Variants in STIM2 observed in about 807,000 individuals in gnomAD.
STIM2 encodes the protein stromal interaction molecule 2.
A neutral mutation model predicts 85.8 loss-of-function variants in STIM2; 31 were observed. The observed-to-expected ratio is 0.36, with a 90% CI of 0.27 to 0.49. The LOEUF is 0.49. Ranked by LOEUF, STIM2 falls within the 20% of genes least tolerant of loss-of-function variation. The probability of loss-of-function intolerance (pLI) is 0.98; values close to 1 mark genes in which losing one functional copy is unlikely to be tolerated. For synonymous variants in STIM2, 356 were observed against 331.1 expected, an observed-to-expected ratio of 1.08 and a Z score of -0.82; for missense variants, 841 against 927.6, an observed-to-expected ratio of 0.91 and a Z score of 1.21.
chr4:26,894,587 T>C (rs1723623243), intron 1 of STIM2, among the ~76,000 whole-genome samples: 1 of 152,068 alleles, frequency 6.6e-6, no homozygotes. Flanking sequence ...TCTGTGGTGC[T>C]AGTTGTGTCG....
chr4:26,962,559 AGTGTGTGTGTGTGTGTGTGTGT>A (rs34301656), intron 3 of STIM2, among the ~76,000 whole-genome samples: 1 of 142,618 alleles, frequency 7.0e-6, no homozygotes, highest in Non-Finnish European at 1.5e-5. Flanking sequence ...ACTTTAATGC[AGTGTGTGTGTGTGTGTGTGTGT>A]GTGTGTGTGT....
chr4:26,910,392 C>T (rs900065747), intron 1 of STIM2, among the ~76,000 whole-genome samples: 11 of 151,994 alleles, frequency 7.2e-5, no homozygotes, highest in Admixed American at 3.9e-4. Context: ...AGCGTGTTGG[C>T]GAGCGCCTGT....
In STIM2 at chr4:26,885,560, G is replaced by A. The variant is rs376390395; in HGVS notation, c.151+24191G>A. Among the ~76,000 whole-genome samples the A allele has an allele frequency of 5.9e-5, 9 of 152,120 alleles. No homozygotes were observed. In the East Asian group the frequency reaches 1.4e-3, roughly 23 times the overall value. On this transcript the variant is annotated intron_variant, in intron 1 of 11. Coordinates refer to ENST00000467087, the MANE Select transcript of STIM2 (RefSeq NM_020860.4). ...AAATAGGGGTATCAAGGCTTGAATT[G>A]TAAATCTTGATGGTATGAAGGATCC...
chr4:26,920,036 G>A (rs770497527), intron 2 of STIM2, among the ~76,000 whole-genome samples: 31 of 152,152 alleles, frequency 2.0e-4, no homozygotes, highest in Non-Finnish European at 3.7e-4. Context: ...TTAGATATGG[G>A]CCGAGGTCAC....
At chr4:26,948,997 C>T (rs1725948423) in intron 2 of STIM2, among the ~76,000 whole-genome samples, 1 of 152,138 alleles carries the variant, frequency 6.6e-6, no homozygotes, top group African/African-American at 2.4e-5. Flanking sequence ...TGAATTGACA[C>T]AGTACATACA....
chr4:26,989,804 C>G (rs1042313886), intron 3 of STIM2, among the ~76,000 whole-genome samples: 1 of 152,100 alleles, frequency 6.6e-6, no homozygotes, highest in Non-Finnish European at 1.5e-5. Flanking sequence ...GCAGTAGCAT[C>G]TCTATACATT....
intron 1 of STIM2, among the ~76,000 whole-genome samples, chr4:26,870,633 A>T (rs1037072902): frequency 6.6e-6 from 1 of 152,144 alleles, no homozygotes; most frequent in African/African-American, 2.4e-5. Context: ...ACTCTTTTGT[A>T]TACTTTATTA....
At chr4:26,925,792 C>G (rs1371687358) in intron 2 of STIM2, among the ~76,000 whole-genome samples, 2 of 78,854 alleles carry the variant, frequency 2.5e-5, no homozygotes, top group Non-Finnish European at 4.3e-5. Flanking sequence ...TCGTCTCAGC[C>G]CAAAATCTCC....
chr4:26,950,039 A>G lies in STIM2; in HGVS notation c.283-7573A>G, dbSNP rs897452595. Among the ~76,000 whole-genome samples the G allele has an allele frequency of 3.9e-5, 6 of 152,304 alleles. No individual in the cohort carries two copies. In the South Asian group the frequency reaches 1.0e-3, roughly 26 times the overall value. Reference sequence around the variant, plus strand: ...CTCACTTAACGTGAAAGTAAGTGTAACACACGGTATTCTCAGTGATGGATA... The same window carrying G: ...CTCACTTAACGTGAAAGTAAGTGTAGCACACGGTATTCTCAGTGATGGATA... On this transcript the variant is annotated intron_variant, in intron 2 of 11. Coordinates refer to ENST00000467087, the MANE Select transcript of STIM2 (RefSeq NM_020860.4).
At chr4:27,008,115 A>G (rs1728432276) in intron 8 of STIM2, 2 of 667,180 alleles carry the variant, frequency 3.0e-6, no homozygotes, top group Non-Finnish European at 5.4e-6. Context: ...ACTCACTAGC[A>G]CCATTGTAGT....
At chr4:26,936,096 G>T (rs1190335191) in intron 2 of STIM2, among the ~76,000 whole-genome samples, 2 of 152,142 alleles carry the variant, frequency 1.3e-5, no homozygotes, top group Admixed American at 1.3e-4. Flanking sequence ...AGATGGTTCT[G>T]TAACCTAGAT....
At chr4:26,923,123 C>A (rs1030791439) in intron 2 of STIM2, among the ~76,000 whole-genome samples, 6 of 151,234 alleles carry the variant, frequency 4.0e-5, no homozygotes, top group African/African-American at 1.5e-4. Context: ...CACACTGACA[C>A]GTCACACGGC....
At chr4:27,011,809 A>C (rs1728566924) in intron 10 of STIM2, among the ~76,000 whole-genome samples, 1 of 151,946 alleles carries the variant, frequency 6.6e-6, no homozygotes, top group Admixed American at 6.6e-5. Flanking sequence ...ACTGATGTGG[A>C]AGTGTTCTTT....
At chr4:26,861,500 C>T (rs1055396613) in intron 1 of STIM2, 131 bp downstream of exon 1, 11 of 1,204,912 alleles carry the variant, frequency 9.1e-6, no homozygotes, top group African/African-American at 7.9e-5. Context: ...CGGAGCCCTG[C>T]CTGCTGCTTC....
At chr4:26,989,398 A>G (rs1352664797) in intron 3 of STIM2, among the ~76,000 whole-genome samples, 2 of 152,378 alleles carry the variant, frequency 1.3e-5, no homozygotes, top group African/African-American at 4.8e-5. Context: ...AAAGCATTTA[A>G]TAAATTCAGC....
At chr4:26,904,513 C>G (rs1724050089) in intron 1 of STIM2, among the ~76,000 whole-genome samples, 1 of 152,062 alleles carries the variant, frequency 6.6e-6, no homozygotes, top group Non-Finnish European at 1.5e-5. Flanking sequence ...GTGGCAAATG[C>G]TTACTTATAG....
At chr4:26,939,944 C>T (rs147973713) in intron 2 of STIM2, among the ~76,000 whole-genome samples, 3 of 152,234 alleles carry the variant, frequency 2.0e-5, no homozygotes, top group East Asian at 1.9e-4. Flanking sequence ...AAACGATGTC[C>T]TAGTAATACA....
chr4:26,999,838 G>C (rs1447049044), intron 5 of STIM2, among the ~76,000 whole-genome samples: 1 of 152,102 alleles, frequency 6.6e-6, no homozygotes, highest in East Asian at 1.9e-4. Context: ...GCAGGAGCAA[G>C]AAGTAGAAAA....
chr4:26,953,428 A>G lies in STIM2; in HGVS notation c.283-4184A>G, dbSNP rs532599058. ...TAGACAATTTTATTTTCCTCATTCT[A>G]CAGAAGAGAAAAATGGGGCTAATGA... On this transcript the variant is annotated intron_variant, in intron 2 of 11. Transcript: ENST00000467087. 2.8e-4 allele frequency among the ~76,000 whole-genome samples: 43 copies of G among 152,184 alleles called. No homozygotes were observed. The South Asian group carries it at 4.6e-3, about 16-fold the overall frequency.
Sources: gnomAD v4.1 joint callset for allele counts (sites outside exome capture counted in the v4.1 genomes callset) on GRCh38, gnomAD v4.1.1 for gene constraint, MANE v1.5 for transcripts, NCBI Gene and HGNC (gene_info 2026-07-23, HGNC 2026-07-21) for gene names.